The following BRINP1 variants were observed in gnomAD, a reference collection of about 807,000 sequenced individuals.
The protein encoded by BRINP1 is BMP/retinoic acid-inducible neural-specific protein 1.
A neutral mutation model predicts 72.9 loss-of-function variants in BRINP1; 17 were observed. That is an observed-to-expected ratio of 0.23 (90% CI 0.16 to 0.35). BRINP1 has a LOEUF of 0.35. Ranked by LOEUF, BRINP1 falls within the 10% of genes least tolerant of loss-of-function variation. The pLI is 1.00. For synonymous variants in BRINP1, 418 were observed against 378.5 expected, an observed-to-expected ratio of 1.10 and a Z score of -1.21; for missense variants, 850 against 1,001.6, an observed-to-expected ratio of 0.85 and a Z score of 2.04.
At chr9:119,320,873 T>C (rs1437252052) in intron 1 of BRINP1, among the ~76,000 whole-genome samples, 1 of 152,120 alleles carries the variant, frequency 6.6e-6, no homozygotes, top group Non-Finnish European at 1.5e-5. Context: ...GAAACTGCAC[T>C]TATTGCTTTA....
Position 119,214,072 on chromosome 9 carries a change from C to G in BRINP1, c.769G>C (p.Glu257Gln). 6.2e-7 allele frequency: 1 copy of G among 1,614,138 alleles called. No individual in the cohort carries two copies. The highest frequency in any genetic ancestry group is 2.2e-5 in the East Asian group (1 of 44,864). ...CACTGGCTGTTCTGGCACAGGTACT[C>G]CCCCTCCCCATTGCACATGATATAG... is the stretch of plus-strand genomic sequence containing the variant. ...LSYIMCNGEGEYLCQNSQCRC... is the reference protein window; with the variant it reads ...LSYIMCNGEGQYLCQNSQCRC... Residue 257 changes from glutamate to glutamine, a missense_variant, in exon 6 of 8, where the codon GAG becomes CAG. Coordinates refer to ENST00000265922, the MANE Select transcript of BRINP1 (RefSeq NM_014618.3).
At chr9:119,359,175 C>G (rs1223067116) in intron 1 of BRINP1, among the ~76,000 whole-genome samples, 1 of 152,104 alleles carries the variant, frequency 6.6e-6, no homozygotes, top group Non-Finnish European at 1.5e-5. Flanking sequence ...TACACACATG[C>G]CTCTATGAAG....
intron 7 of BRINP1, among the ~76,000 whole-genome samples, chr9:119,178,256 C>A (rs956221723): frequency 6.6e-6 from 1 of 152,112 alleles, no homozygotes; most frequent in Non-Finnish European, 1.5e-5. Flanking sequence ...TAAGGGTGGG[C>A]TAGTTGTCCA....
chr9:119,181,535 T>A (rs1323677492), intron 7 of BRINP1, among the ~76,000 whole-genome samples: 2 of 152,324 alleles, frequency 1.3e-5, no homozygotes, highest in African/African-American at 4.8e-5. Flanking sequence ...GGATGGAATA[T>A]GCAAAGCTCT....
At chr9:119,263,525 T>C (rs76491892) in intron 2 of BRINP1, among the ~76,000 whole-genome samples, 6,273 of 151,358 alleles carry the variant, frequency 0.041, 439 homozygotes, top group African/African-American at 0.14. Context: ...GTTACCTCCA[T>C]TGGACAGGGA....
intron 2 of BRINP1, among the ~76,000 whole-genome samples, chr9:119,295,551 TA>T: frequency 6.6e-6 from 1 of 152,230 alleles, no homozygotes; most frequent in South Asian, 2.1e-4. Context: ...AAAGGCACAG[TA>T]AAAATATGGT....
chr9:119,203,136 C>T (rs1012607505), intron 7 of BRINP1, among the ~76,000 whole-genome samples: 2 of 152,216 alleles, frequency 1.3e-5, no homozygotes, highest in African/African-American at 4.8e-5. Context: ...TAAACCAGGG[C>T]GTCCCAAACC....
At chr9:119,314,923 C>T (rs939893367) in intron 1 of BRINP1, among the ~76,000 whole-genome samples, 1 of 152,142 alleles carries the variant, frequency 6.6e-6, no homozygotes, top group African/African-American at 2.4e-5. Context: ...TGATGAATGT[C>T]GATACTGATG....
At chr9:119,174,966 G>T (rs1312054767) in intron 7 of BRINP1, among the ~76,000 whole-genome samples, 2 of 146,954 alleles carry the variant, frequency 1.4e-5, no homozygotes, top group African/African-American at 5.1e-5. Flanking sequence ...GGGGACTGTT[G>T]TGGGGTGGGG....
chr9:119,183,902 C>T (rs535309687), intron 7 of BRINP1, among the ~76,000 whole-genome samples: 3 of 152,192 alleles, frequency 2.0e-5, no homozygotes, highest in East Asian at 3.9e-4. Context: ...AAAACTCACC[C>T]ATGCGTGAGT....
chr9:119,215,998 G>A (rs1829972270), intron 5 of BRINP1, among the ~76,000 whole-genome samples: 1 of 152,216 alleles, frequency 6.6e-6, no homozygotes, highest in Non-Finnish European at 1.5e-5. Flanking sequence ...AGGACTACAT[G>A]AAAGAATGCC....
chr9:119,367,221 G>GTGATAT (rs1564259756), intron 1 of BRINP1, among the ~76,000 whole-genome samples: 28 of 99,858 alleles, frequency 2.8e-4, no homozygotes, highest in African/African-American at 3.8e-4. Flanking sequence ...GTGTGTGATT[G>GTGATAT]ATATATATAT....
At chr9:119,168,570 G>C (rs1247167097) in intron 7 of BRINP1, among the ~76,000 whole-genome samples, 1 of 118,374 alleles carries the variant, frequency 8.4e-6, no homozygotes, top group African/African-American at 2.6e-5. Context: ...AAAGTGTCTA[G>C]ACTCAAATAC....
chr9:119,297,108 CAT>C (rs1830889500), intron 2 of BRINP1, among the ~76,000 whole-genome samples: 1 of 151,998 alleles, frequency 6.6e-6, no homozygotes, highest in Non-Finnish European at 1.5e-5. Flanking sequence ...ACAATGTATA[CAT>C]ATGTCAAAAC....
intron 2 of BRINP1, chr9:119,283,199 T>G: frequency 1.0e-6 from 1 of 983,834 alleles, no homozygotes; most frequent in Non-Finnish European, 1.2e-6. Context: ...AATGAAGGGG[T>G]GGAAACAAAC....
chr9:119,280,322 T>C (rs1272813383), intron 2 of BRINP1, among the ~76,000 whole-genome samples: 1 of 151,500 alleles, frequency 6.6e-6, no homozygotes, highest in Non-Finnish European at 1.5e-5. Context: ...CACTGCAAGC[T>C]CCCTCTCCTG....
chr9:119,283,177 G>A (rs1159231403), intron 2 of BRINP1: 1 of 984,884 alleles, frequency 1.0e-6, no homozygotes, highest in African/African-American at 1.7e-5. Flanking sequence ...GCCTCCTTGA[G>A]TGTTTCTTTA....
intron 7 of BRINP1, among the ~76,000 whole-genome samples, chr9:119,197,620 T>A (rs1447336790): frequency 6.6e-6 from 1 of 152,196 alleles, no homozygotes; most frequent in Non-Finnish European, 1.5e-5. Flanking sequence ...GAAGTAACTT[T>A]GGGAAAATGA....
intron 1 of BRINP1, among the ~76,000 whole-genome samples, chr9:119,316,132 C>A (rs1831121485): frequency 6.6e-6 from 1 of 152,144 alleles, no homozygotes; most frequent in African/African-American, 2.4e-5. Context: ...TGTCGCCTAG[C>A]CTGGAGTGCG....
Sources: gnomAD v4.1 joint callset for allele counts (sites outside exome capture counted in the v4.1 genomes callset) on GRCh38, gnomAD v4.1.1 for gene constraint, MANE v1.5 for transcripts, NCBI Gene and HGNC (gene_info 2026-07-23, HGNC 2026-07-21) for gene names.